MBD4: variants seen among roughly 807,000 people sequenced by gnomAD.
MBD4 encodes the protein methyl-CpG-binding domain protein 4.
A neutral mutation model predicts 60.2 loss-of-function variants in MBD4; 53 were observed. The ratio of observed to expected loss-of-function variants is 0.88; its 90% CI spans 0.71 to 1.11. The LOEUF is 1.11. Among genes scored for constraint, MBD4 ranks in the 50% least tolerant of loss-of-function variants. MBD4 has a pLI of 0.00. For synonymous variants in MBD4, 231 were observed against 229.8 expected (o/e 1.01, Z -0.05); for missense variants, 619 against 674.0 (o/e 0.92, Z 0.90).
rs1328067921 is a variant in MBD4 at position 129,436,992 on chromosome 3, C to T, written c.652G>A (p.Glu218Lys). The change falls in exon 3 of 8, where the codon GAG (glutamate) becomes AAG (lysine). Residue 218 changes from glutamate to lysine, a missense_variant. Transcript: ENST00000429544. Reference sequence around the variant, plus strand: ...CTGAAGTTAACATCATCAACACCCTCATCTTCTTTCAAAAGCAAATGAGTG... The same window carrying T: ...CTGAAGTTAACATCATCAACACCCTTATCTTCTTTCAAAAGCAAATGAGTG... ...TSTHLLLKEDEGVDDVNFRKV... is the reference protein window; with the variant it reads ...TSTHLLLKEDKGVDDVNFRKV... 21 of 1,614,240 alleles carry T rather than the reference C, an allele frequency of 1.3e-5. No individual in the cohort carries two copies. The highest frequency in any genetic ancestry group is 1.7e-5 in the Non-Finnish European group (20 of 1,180,048).
intron 4 of MBD4, 23 bp downstream of exon 4, chr3:129,434,039 T>C: frequency 6.2e-7 from 1 of 1,614,056 alleles, no homozygotes; most frequent in South Asian, 1.1e-5. Context: ...TAGAATTTGC[T>C]GTTCTGATTG....
Position 129,433,344 on chromosome 3 carries a change from T to C in MBD4, c.1394-97A>G, listed in dbSNP as rs2072393295. The C allele has an allele frequency of 2.9e-6, 4 of 1,387,030 alleles. No individual in the cohort carries two copies. In the South Asian group the frequency reaches 5.1e-5, roughly 18 times the overall value. 85.9% of individuals were successfully genotyped at this position (1,387,030 alleles called of 1,614,324 possible). Reference sequence around the variant, plus strand: ...TAGAAATCTCATCCAGAGGGTTTTTTTTTTTAAAGAAAACAAAAAACAAAA... The same window carrying C: ...TAGAAATCTCATCCAGAGGGTTTTTCTTTTTAAAGAAAACAAAAAACAAAA... On this transcript the variant is annotated intron_variant, in intron 5 of 7. Transcript: ENST00000429544.
intron 1 of MBD4, among the ~76,000 whole-genome samples, chr3:129,438,285 T>G (rs906015680): frequency 1.3e-5 from 2 of 152,198 alleles, no homozygotes; most frequent in Non-Finnish European, 2.9e-5. Flanking sequence ...ATAGCTAAGC[T>G]CTTAAGCACC....
At chr3:129,438,043 G>T in intron 1 of MBD4, 93 bp from the exon 2 acceptor site, 1 of 753,348 alleles carries the variant, frequency 1.3e-6, no homozygotes. Context: ...GAACCACATA[G>T]ATTATCCATA....
rs766007056 is a variant in MBD4, at chr3:129,433,881, G to A, written c.1362C>T (p.Leu454=). The A allele has an allele frequency of 1.3e-5, 21 of 1,614,154 alleles. No individual in the cohort carries two copies. Among genetic ancestry groups the A allele is most frequent in the Middle Eastern group, 3.3e-4 (2 of 6,062 alleles). Residue 454 remains leucine (L), a synonymous_variant, in exon 5 of 8, where the codon CTC becomes CTT. Transcript: ENST00000429544. ...TCCGATTGAGAAATATAGTAGCGAT[G>A]AGAAGCTTCCATGGATCATGAAAAA... ...ETLFHDPWKL[L]IATIFLNRTS... is the part of the protein sequence containing the mutation.
At position 129,437,031 on chromosome 3, in the gene MBD4, A is replaced by G. The variant is rs1277683974; in HGVS notation, c.613T>C (p.Ser205Pro). Residue 205 changes from serine (S) to proline (P), a missense_variant, in exon 3 of 8, where the codon TCT becomes CCT. Transcript: ENST00000429544. Reference sequence around the variant, plus strand: ...AGCAAATGAGTGGAAGTAAAGTTAGAGAGTCCTCTGCTCTCCTGCAACTCT... The same window carrying G: ...AGCAAATGAGTGGAAGTAAAGTTAGGGAGTCCTCTGCTCTCCTGCAACTCT... ...SSELQESRGLSNFTSTHLLLK... is the reference protein window; with the variant it reads ...SSELQESRGLPNFTSTHLLLK... 1 of 1,614,088 alleles carries G rather than the reference A, an allele frequency of 6.2e-7. No homozygotes were observed.
chr3:129,439,758 G>C lies in MBD4; in HGVS notation c.76C>G (p.Leu26Val), dbSNP rs755779356. The C allele has an allele frequency of 1.9e-5, 31 of 1,602,266 alleles. No individual in the cohort carries two copies. In the South Asian group the frequency reaches 3.4e-4, roughly 17 times the overall value. ...AAPTVTSSERLVPDPPNDLRK... is the reference protein window; with the variant it reads ...AAPTVTSSERVVPDPPNDLRK... ...AGGTCATTCGGCGGGTCTGGGACTAGGCGCTCACTAGAGGTGACGGTGGGG... is the reference window on the plus strand; with the variant it reads ...AGGTCATTCGGCGGGTCTGGGACTACGCGCTCACTAGAGGTGACGGTGGGG... Residue 26 changes from leucine to valine, a missense_variant, in exon 1 of 8, where the codon CTA becomes GTA. Transcript: ENST00000429544.
At chr3:129,435,400 C>A (rs1021681735) in intron 3 of MBD4, among the ~76,000 whole-genome samples, 1 of 152,186 alleles carries the variant, frequency 6.6e-6, no homozygotes, top group Non-Finnish European at 1.5e-5. Context: ...AAGAGTACTT[C>A]ATCTCATGTT....
rs1175342571 is a variant in MBD4 at position 129,437,288 on chromosome 3, C to A, written c.356G>T (p.Arg119Ile). 6.2e-7 allele frequency: 1 copy of A among 1,607,484 alleles called. No homozygotes were observed. Among genetic ancestry groups the A allele is most frequent in the East Asian group, 2.2e-5 (1 of 44,876 alleles). ...YFISPQGLKF[R>I]SKSSLANYLH... ...ATAATTAGCAAGTGAACTTTTGGAT[C>A]TGAACTTCAGTCCTTGTGGGCTAGA... Residue 119 changes from arginine (R) to isoleucine (I), a missense_variant, in exon 3 of 8, where the codon AGA becomes ATA. By Grantham distance (97) the Arg-to-Ile change is moderately conservative (BLOSUM62 -3). Transcript: ENST00000429544.
chr3:129,433,734 G>T, intron 5 of MBD4, 116 bp downstream of exon 5: 1 of 1,204,770 alleles, frequency 8.3e-7, no homozygotes, highest in Non-Finnish European at 1.2e-6. Context: ...GGTGAAGGGG[G>T]AATGCCCTAT....
intron 2 of MBD4, 67 bp from the exon 3 acceptor site, chr3:129,437,375 A>C: frequency 8.0e-7 from 1 of 1,247,050 alleles, no homozygotes; most frequent in African/African-American, 1.5e-5. Flanking sequence ...GAACTGGACC[A>C]CATTTCAGAT....
rs369320434 is a variant in MBD4 at position 129,434,151 on chromosome 3, T to C, written c.1184-15A>G. 19 of 1,599,118 alleles carry C rather than the reference T, an allele frequency of 1.2e-5. No homozygotes were observed. The African/African-American group carries it at 2.5e-4, about 21-fold the overall frequency. ...GATGGTATCTTCTGAAAAGGAAAAG[T>C]AAACACTTTATGGAGTCTATGGTTT... On this transcript the variant is annotated splice_polypyrimidine_tract_variant and intron_variant, in intron 3 of 7. Coordinates refer to ENST00000429544, the MANE Select transcript of MBD4 (RefSeq NM_001276270.2).
In MBD4 at chr3:129,433,078, T is replaced by C. The variant is rs773159044; in HGVS notation, c.1543+20A>G. ...AAGCACAATGTATTATGTTTTTCCT[T>C]TGGGTGTATAGGAAAATACCTGAGA... On this transcript the variant is annotated intron_variant, in intron 6 of 7. Coordinates refer to ENST00000429544, the MANE Select transcript of MBD4 (RefSeq NM_001276270.2). The C allele has an allele frequency of 2.5e-6, 4 of 1,613,462 alleles. No homozygotes were observed. Among genetic ancestry groups the C allele is most frequent in the Non-Finnish European group, 3.4e-6 (4 of 1,179,500 alleles).
Position 129,434,116 on chromosome 3 carries a change from G to C in MBD4, c.1204C>G (p.Gln402Glu). The C allele has an allele frequency of 1.9e-6, 3 of 1,613,866 alleles. No individual in the cohort carries two copies. Among genetic ancestry groups the C allele is most frequent in the Non-Finnish European group, 2.5e-6 (3 of 1,179,844 alleles). ...DFTEDTIPRT[Q>E]IERRKTSLYF... The stretch of plus-strand genomic sequence containing the variant: ...AGGCTTGTTTTCCTTCTTTCTATCT[G>C]TGTTCGTGGGATGGTATCTTCTGAA... The change falls in exon 4 of 8, where the codon CAG (glutamine) becomes GAG (glutamate). Residue 402 changes from glutamine (Q) to glutamate (E), a missense_variant. Physicochemically the swap from Gln to Glu is conservative, Grantham distance 29. Transcript: ENST00000429544.
intron 2 of MBD4, 88 bp downstream of exon 2, chr3:129,437,632 T>C (rs2072491974): frequency 1.1e-6 from 1 of 919,620 alleles, no homozygotes; most frequent in Non-Finnish European, 1.8e-6. Flanking sequence ...GGTAAAAATA[T>C]AAAGAAGCTA....
At chr3:129,433,065 T>A (rs2072384695) in intron 6 of MBD4, 33 bp downstream of exon 6, 1 of 1,612,208 alleles carries the variant, frequency 6.2e-7, no homozygotes, top group Non-Finnish European at 8.5e-7. Flanking sequence ...GCACAATGTA[T>A]TATGTTTTTC....
chr3:129,437,268 T>G lies in MBD4; in HGVS notation c.376A>C (p.Asn126His). 6.2e-7 allele frequency: 1 copy of G among 1,610,438 alleles called. No homozygotes were observed. The highest frequency in any genetic ancestry group is 8.5e-7 in the Non-Finnish European group (1 of 1,179,668). Residue 126 changes from asparagine to histidine, a missense_variant, in exon 3 of 8, where the codon AAT becomes CAT. Coordinates refer to ENST00000429544, the MANE Select transcript of MBD4 (RefSeq NM_001276270.2). ...GTCTCTCCATTTTTGTGAAGATAAT[T>G]AGCAAGTGAACTTTTGGATCTGAAC... Reference protein sequence around the residue: ...LKFRSKSSLANYLHKNGETSL... With the variant: ...LKFRSKSSLAHYLHKNGETSL...
At chr3:129,439,654 G>T in intron 1 of MBD4, 76 bp downstream of exon 1, 1 of 940,988 alleles carries the variant, frequency 1.1e-6, no homozygotes, top group Non-Finnish European at 1.7e-6. Context: ...GGTTAGAAAG[G>T]CCCACACACT....
Position 129,434,145 on chromosome 3 carries a change from GA to G in MBD4, c.1184-10del. 6.2e-7 allele frequency: 1 copy of G among 1,609,580 alleles called. No homozygotes were observed. The highest frequency in any genetic ancestry group is 8.5e-7 in the Non-Finnish European group (1 of 1,176,046). ...TCGTGGGATGGTATCTTCTGAAAAG[GA>G]AAAGTAAACACTTTATGGAGTCTAT... On this transcript the variant is annotated splice_polypyrimidine_tract_variant and intron_variant, in intron 3 of 7. Transcript: ENST00000429544.
Sources: allele counts gnomAD v4.1 joint callset (sites outside exome capture counted in the v4.1 genomes callset), GRCh38; gene constraint gnomAD v4.1.1; transcripts MANE v1.5; gene names NCBI Gene and HGNC (gene_info 2026-07-23, HGNC 2026-07-21).